MRPL43: variants seen among roughly 807,000 people sequenced by gnomAD.
The protein encoded by MRPL43 is large ribosomal subunit protein mL43.
MRPL43 carries 9 observed loss-of-function variants against 12.7 expected under a neutral mutation model. The ratio of observed to expected loss-of-function variants is 0.71; its 90% CI spans 0.43 to 1.24. The LOEUF (loss-of-function observed/expected upper bound fraction) is 1.24. MRPL43 is among the 50% of genes most tolerant of loss of function. The pLI is 0.00. For synonymous variants in MRPL43, 116 were observed against 96.4 expected (o/e 1.20, Z -1.19); for missense variants, 211 against 229.2 (o/e 0.92, Z 0.51).
In MRPL43 at chr10:100,986,623, C is replaced by A; in HGVS notation, c.*111G>T. On this transcript the variant is annotated 3_prime_UTR_variant, in exon 3 of 3. Transcript: ENST00000318364. The stretch of plus-strand genomic sequence containing the variant: ...TTATCCCAAGCAGAACCTCTGTCAA[C>A]TTGCCCATTGATGGGTTCCATTTGC... The A allele has an allele frequency of 6.2e-7, 1 of 1,613,490 alleles. No homozygotes were observed. The highest frequency in any genetic ancestry group is 8.5e-7 in the Non-Finnish European group (1 of 1,179,920).
chr10:100,980,970 C>A (rs767343866), downstream of MRPL43: 14 of 1,602,778 alleles, frequency 8.7e-6, no homozygotes, highest in Non-Finnish European at 1.2e-5. Context: ...GCAGCCACCA[C>A]CATAGCCAAC....
chr10:100,983,364 T>C, downstream of MRPL43: 1 of 1,605,312 alleles, frequency 6.2e-7, no homozygotes, highest in Non-Finnish European at 8.5e-7. Context: ...CCTCCTGCCC[T>C]GTGACCAGCC....
chr10:100,980,784 G>A, downstream of MRPL43: 3 of 1,570,364 alleles, frequency 1.9e-6, no homozygotes, highest in Non-Finnish European at 2.6e-6. Context: ...CTGTATGAGT[G>A]GGGACGCTGC....
downstream of MRPL43, chr10:100,981,542 A>G (rs755392457): frequency 6.2e-7 from 1 of 1,614,018 alleles, no homozygotes; most frequent in Non-Finnish European, 8.5e-7. Context: ...CTGAACTGAT[A>G]TCTGAAGAAA....
At chr10:100,980,183 T>C, downstream of MRPL43, 1 of 1,614,218 alleles carries the variant, frequency 6.2e-7, no homozygotes, top group Non-Finnish European at 8.5e-7. Context: ...CCATCCCTGG[T>C]CCTGGACTTT....
chr10:100,984,618 A>G (rs1242453332), downstream of MRPL43: 7 of 1,536,122 alleles, frequency 4.6e-6, no homozygotes, highest in South Asian at 1.2e-5. Context: ...ACATGCACAC[A>G]TGGAAGAATG....
downstream of MRPL43, chr10:100,985,603 C>T (rs1010346124): frequency 9.8e-5 from 15 of 152,598 alleles, no homozygotes; most frequent in African/African-American, 3.6e-4. Flanking sequence ...TAATAAACAC[C>T]CTTTTTCCCC....
At chr10:100,984,757 G>A (rs1483432059), downstream of MRPL43, 6 of 1,535,986 alleles carry the variant, frequency 3.9e-6, no homozygotes, top group Admixed American at 5.9e-5. Context: ...CCAGCCCCAT[G>A]TGGTGACCTC....
At chr10:100,978,934 G>T, downstream of MRPL43, 1 of 1,614,156 alleles carries the variant, frequency 6.2e-7, no homozygotes, top group South Asian at 1.1e-5. Context: ...ACTTCTTCAC[G>T]GAGCGTGCCA....
chr10:100,980,596 A>G (rs201540929), downstream of MRPL43: 1 of 1,614,122 alleles, frequency 6.2e-7, no homozygotes, highest in East Asian at 2.2e-5. Flanking sequence ...TGGATCCACA[A>G]GGCCGTAGTC....
At chr10:100,980,722 G>A, downstream of MRPL43, 1 of 1,609,124 alleles carries the variant, frequency 6.2e-7, no homozygotes, top group Non-Finnish European at 8.5e-7. Flanking sequence ...CCTTAATATA[G>A]CCTTGCTGAA....
chr10:100,981,674 A>G, downstream of MRPL43: 1 of 1,144,282 alleles, frequency 8.7e-7, no homozygotes, highest in South Asian at 1.4e-5. Flanking sequence ...GAAAGGTGCC[A>G]TTATTATTAT....
At chr10:100,983,912 A>ACCCCCCCC, downstream of MRPL43, 7 of 185,336 alleles carry the variant, frequency 3.8e-5, no homozygotes, top group South Asian at 3.4e-4. Context: ...CAGCCCCACC[A>ACCCCCCCC]CCCCCACCGC....
At chr10:100,978,092 C>T, downstream of MRPL43, 1 of 586,876 alleles carries the variant, frequency 1.7e-6, no homozygotes, top group Non-Finnish European at 3.0e-6. Context: ...TGGCCACTTG[C>T]AGATTTGGAA....
At chr10:100,982,879 G>A (rs74154245), downstream of MRPL43, among the ~76,000 whole-genome samples, 100 of 152,364 alleles carry the variant, frequency 6.6e-4, no homozygotes, top group African/African-American at 2.4e-3. Flanking sequence ...GGCTGGTGGT[G>A]CCATTCACAG....
chr10:100,980,551 T>C (rs1349546667), downstream of MRPL43: 11 of 1,587,572 alleles, frequency 6.9e-6, no homozygotes, highest in Middle Eastern at 1.7e-4. Flanking sequence ...ATAGTTGGGG[T>C]CTAACTCTCT....
downstream of MRPL43, chr10:100,981,119 A>G: frequency 6.2e-7 from 1 of 1,611,432 alleles, no homozygotes; most frequent in Non-Finnish European, 8.5e-7. Context: ...TTCACTGGGA[A>G]ACTGAAACCC....
downstream of MRPL43, chr10:100,981,188 T>C (rs1851053214): frequency 1.9e-6 from 3 of 1,614,186 alleles, no homozygotes; most frequent in South Asian, 1.1e-5. Flanking sequence ...ATACAGGACA[T>C]AGAGAGAGGA....
downstream of MRPL43, chr10:100,980,555 ACT>A (rs1851017800): frequency 2.5e-6 from 4 of 1,598,550 alleles, no homozygotes; most frequent in African/African-American, 2.7e-5. Flanking sequence ...TTGGGGTCTA[ACT>A]CTCTGCTCTT....
Sources: gnomAD v4.1 joint callset for allele counts (sites outside exome capture counted in the v4.1 genomes callset) on GRCh38, gnomAD v4.1.1 for gene constraint, MANE v1.5 for transcripts, NCBI Gene and HGNC (gene_info 2026-07-23, HGNC 2026-07-21) for gene names.